Variants in NXPE3 observed in about 807,000 individuals in gnomAD.
NXPE3 encodes NXPE family member 3.
Under a neutral mutation model 46.1 loss-of-function variants are expected in NXPE3, and 26 were observed. The ratio of observed to expected loss-of-function variants is 0.56; its 90% confidence interval spans 0.41 to 0.78. The LOEUF is 0.78. Among genes scored for constraint, NXPE3 ranks in the 30% least tolerant of loss-of-function variants. The pLI is 0.00. For missense variants in NXPE3, 620 were observed against 686.0 expected (o/e 0.90, Z 1.07); for synonymous variants, 272 against 257.9 (o/e 1.05, Z -0.52).
At position 101,801,688 on chromosome 3, in the gene NXPE3, G is replaced by GT; in HGVS notation, c.548dup (p.Ser184IlefsTer9). 6.2e-7 allele frequency: 1 copy of GT among 1,614,218 alleles called. No individual in the cohort carries two copies. On this transcript the variant is annotated frameshift_variant, in exon 5 of 8. Transcript: ENST00000273347. LOFTEE classifies it high-confidence loss of function. Reference sequence around the variant, plus strand: ...TTTGCTATGGCCAGGCAAAGTTAAAGTATCCGTATCTCTGGTCCACCCCAG... The same window carrying GT: ...TTTGCTATGGCCAGGCAAAGTTAAAGTTATCCGTATCTCTGGTCCACCCCAG...
chr3:101,796,963 G>C (rs576220118), intron 4 of NXPE3, among the ~76,000 whole-genome samples: 2 of 152,228 alleles, frequency 1.3e-5, no homozygotes, highest in East Asian at 3.9e-4. Flanking sequence ...TTGCTTTGTT[G>C]TTTATTCCCC....
At position 101,812,728 on chromosome 3, in the gene NXPE3, C is replaced by T. The variant is rs538811825; in HGVS notation, c.923-4067C>T. Among the ~76,000 whole-genome samples, 189 of 133,550 alleles carry T rather than the reference C, an allele frequency of 1.4e-3. 2 individuals are homozygous for T. The highest frequency in any genetic ancestry group is 4.3e-3 in the Middle Eastern group (1 of 230). 87.6% of individuals were successfully genotyped at this position (133,550 alleles called of 152,430 possible). Reference sequence around the variant, plus strand: ...TCAGGAGGCTGAGGCAGGAGAATGGCGTGAACCCGGGAGGCGGAGGTTGCA... The same window carrying T: ...TCAGGAGGCTGAGGCAGGAGAATGGTGTGAACCCGGGAGGCGGAGGTTGCA... On this transcript the variant is annotated intron_variant, in intron 6 of 7. Transcript: ENST00000273347.
chr3:101,823,305 T>C lies in NXPE3; in HGVS notation c.*1351T>C, dbSNP rs1458806017. 6.6e-6 allele frequency: 1 copy of C among 152,172 alleles called. No homozygotes were observed. The highest frequency in any genetic ancestry group is 1.5e-5 in the Non-Finnish European group (1 of 68,032). The allele number at this position is 152,172 out of a possible 1,614,324, so 9.4% of individuals were successfully genotyped here. ...AAAATAGGAGGGCCCCAGATCTTAC[T>C]TTCCTGTCCTTGAGGAACACCTTCA... On this transcript the variant is annotated 3_prime_UTR_variant, in exon 8 of 8. Coordinates refer to ENST00000273347, the MANE Select transcript of NXPE3 (RefSeq NM_145037.4).
Position 101,816,989 on chromosome 3 carries a change from A to G in NXPE3, c.1117A>G (p.Thr373Ala), listed in dbSNP as rs2107347401. The change falls in exon 7 of 8, where the codon ACA becomes GCA. Residue 373 changes from threonine to alanine, a missense_variant. By Grantham distance (58) the Thr-to-Ala change is moderately conservative (BLOSUM62 0). Transcript: ENST00000273347. ...CAGGCAATGGTTTGAATACCTTACT[A>G]CATTTGTTCCAGGTTGGTACTGTGC... The part of the protein sequence containing the change: ...TIRQWFEYLT[T>A]FVPDLVEFNL... 1 of 1,614,104 alleles carries G rather than the reference A, an allele frequency of 6.2e-7. No homozygotes were observed. Among genetic ancestry groups the G allele is most frequent in the Non-Finnish European group, 8.5e-7 (1 of 1,179,950 alleles).
rs140128269 is a variant in NXPE3 at position 101,821,722 on chromosome 3, C to T, written c.1448C>T (p.Thr483Met). 158 of 1,614,224 alleles carry T rather than the reference C, an allele frequency of 9.8e-5. 2 individuals are homozygous for T. The highest frequency in any genetic ancestry group is 5.4e-4 in the South Asian group (49 of 91,090). Residue 483 changes from threonine (T) to methionine (M), a missense_variant, in exon 8 of 8, where the codon ACG becomes ATG. By Grantham distance (81) the Thr-to-Met change is moderately conservative (BLOSUM62 -1). Around this residue, in one of 3 missense-constraint regions of NXPE3, gnomAD observed 75 missense variants for 121.1 expected, o/e 0.62. Coordinates refer to ENST00000273347, the MANE Select transcript of NXPE3 (RefSeq NM_145037.4). ...RSPKTVVVIR[T>M]ANAQELGPEV... The stretch of plus-strand genomic sequence containing the variant: ...CCAAAGACCGTGGTGGTCATCCGGA[C>T]GGCCAACGCCCAAGAGCTGGGACCT...
intron 4 of NXPE3, among the ~76,000 whole-genome samples, chr3:101,798,386 A>C (rs576317518): frequency 6.8e-4 from 103 of 151,758 alleles, no homozygotes; most frequent in African/African-American, 2.3e-3. Context: ...GCTGTTTTTT[A>C]ATTTTTCTTT....
chr3:101,819,708 A>G (rs1201426722), intron 7 of NXPE3, among the ~76,000 whole-genome samples: 1 of 152,230 alleles, frequency 6.6e-6, no homozygotes, highest in Non-Finnish European at 1.5e-5. Flanking sequence ...GAATTAGTAC[A>G]TCAAGTAAAT....
intron 6 of NXPE3, among the ~76,000 whole-genome samples, chr3:101,809,189 C>A (rs1941595039): frequency 6.6e-6 from 1 of 151,954 alleles, no homozygotes; most frequent in South Asian, 2.1e-4. Context: ...AATTAGTGAG[C>A]CTTTTGATAT....
intron 7 of NXPE3, among the ~76,000 whole-genome samples, chr3:101,819,995 T>C (rs1281907965): frequency 1.3e-5 from 2 of 148,322 alleles, no homozygotes; most frequent in Admixed American, 6.8e-5. Context: ...TGCATGAGGT[T>C]CCACATCAAA....
intron 5 of NXPE3, among the ~76,000 whole-genome samples, chr3:101,804,937 T>G (rs1424430900): frequency 6.6e-6 from 1 of 152,248 alleles, no homozygotes; most frequent in East Asian, 1.9e-4. Flanking sequence ...CTTTTTTCTT[T>G]CTAACTTTGT....
intron 4 of NXPE3, among the ~76,000 whole-genome samples, chr3:101,792,307 T>G (rs1940564991): frequency 6.6e-6 from 1 of 152,236 alleles, no homozygotes; most frequent in Admixed American, 6.5e-5. Flanking sequence ...TTGCAATTGC[T>G]TTTGGTGTTT....
chr3:101,822,184 C>CAG lies in NXPE3; in HGVS notation c.*231_*232insGA. ...TTAGCCATGGTAGAACTCTTAACTG[C>CAG]ATCTACACACTATATTGCTCTTGTA... On this transcript the variant is annotated 3_prime_UTR_variant, in exon 8 of 8. Transcript: ENST00000273347. 1 of 465,840 alleles carries CAG rather than the reference C, an allele frequency of 2.1e-6. No individual in the cohort carries two copies. The highest frequency in any genetic ancestry group is 3.8e-6 in the Non-Finnish European group (1 of 260,728). 28.9% of individuals were successfully genotyped at this position (465,840 alleles called of 1,614,324 possible). A position where few individuals can be genotyped will look rare whatever the true frequency, so the allele number is the denominator to read the frequency against.
At chr3:101,789,506 A>T (rs1940380857) in intron 4 of NXPE3, among the ~76,000 whole-genome samples, 1 of 152,184 alleles carries the variant, frequency 6.6e-6, no homozygotes, top group Admixed American at 6.5e-5. Context: ...TGATCATGTC[A>T]CTGCACTTCA....
At chr3:101,813,037 A>C (rs1941794839) in intron 6 of NXPE3, among the ~76,000 whole-genome samples, 1 of 152,130 alleles carries the variant, frequency 6.6e-6, no homozygotes, top group African/African-American at 2.4e-5. Context: ...TCAAGCCATT[A>C]CAATTACTGT....
At chr3:101,781,833 G>A (rs936312342) in intron 1 of NXPE3, 2 of 152,054 alleles carry the variant, frequency 1.3e-5, no homozygotes, top group African/African-American at 4.8e-5. Flanking sequence ...TTTATCTTTG[G>A]TTTATATTTT....
At chr3:101,797,813 C>T (rs1940921826) in intron 4 of NXPE3, among the ~76,000 whole-genome samples, 1 of 35,402 alleles carries the variant, frequency 2.8e-5, no homozygotes, top group Non-Finnish European at 5.5e-5. Context: ...TTTTCTTAAT[C>T]CAGTCTATGA....
In NXPE3 at chr3:101,789,348, AG is replaced by A. The variant is rs1576732502; in HGVS notation, c.93+3660del. Among the ~76,000 whole-genome samples, 3 of 152,164 alleles carry A rather than the reference AG, an allele frequency of 2.0e-5. No individual in the cohort carries two copies. The East Asian group carries it at 5.8e-4, about 29-fold the overall frequency. ...CACCTGAGGCCAGAAGTTTGAGACCAGCCTGGGCAACATAGTGAGACCCCAT... is the reference window on the plus strand; with the variant it reads ...CACCTGAGGCCAGAAGTTTGAGACCACCTGGGCAACATAGTGAGACCCCAT... On this transcript the variant is annotated intron_variant, in intron 4 of 7. Transcript: ENST00000273347.
chr3:101,787,150 C>CA (rs111642277), intron 4 of NXPE3, among the ~76,000 whole-genome samples: 47,230 of 146,068 alleles, frequency 0.32, 7,579 homozygotes, highest in Non-Finnish European at 0.35. Flanking sequence ...GAGACTGTCT[C>CA]AAAAAAAAAA....
chr3:101,827,687 C>G lies in NXPE3; in HGVS notation c.*5733C>G, dbSNP rs917942744. Among the ~76,000 whole-genome samples, 3 of 152,058 alleles carry G rather than the reference C, an allele frequency of 2.0e-5. No homozygotes were observed. The highest frequency in any genetic ancestry group is 6.5e-5 in the Admixed American group (1 of 15,268). On this transcript the variant is annotated 3_prime_UTR_variant, in exon 8 of 8. Transcript: ENST00000273347. ...TGTTTGTAGATGTTGCCTCTGATTCCTCCCTGCGGCTCCAGTCCAGGTCTT... is the reference window on the plus strand; with the variant it reads ...TGTTTGTAGATGTTGCCTCTGATTCGTCCCTGCGGCTCCAGTCCAGGTCTT...
Sources: allele counts gnomAD v4.1 joint callset (sites outside exome capture counted in the v4.1 genomes callset), GRCh38; gene constraint gnomAD v4.1.1; regional missense constraint gnomAD v4.1.1; transcripts MANE v1.5; gene names NCBI Gene and HGNC (gene_info 2026-07-23, HGNC 2026-07-21).